Variants in CLCN5 observed in about 807,000 individuals in gnomAD.
CLCN5 encodes the protein H(+)/Cl(-) exchange transporter 5.
CLCN5 carries 17 observed loss-of-function variants against 54.0 expected under a neutral mutation model. That is an observed-to-expected ratio of 0.31 (90% CI 0.22 to 0.47). The LOEUF is 0.47. Ranked by LOEUF, CLCN5 falls within the 20% of genes least tolerant of loss-of-function variation. The probability of loss-of-function intolerance (pLI) is 1.00; values close to 1 mark genes in which losing one functional copy is unlikely to be tolerated. For missense variants in CLCN5, 448 were observed against 646.7 expected (o/e 0.69, Z 3.33); for synonymous variants, 222 against 233.0 (o/e 0.95, Z 0.43).
intron 3 of CLCN5, among the ~76,000 whole-genome samples, chrX:49,954,859 A>G (rs1181615535): frequency 1.8e-5 from 2 of 111,901 alleles, no homozygotes; most frequent in Non-Finnish European, 3.8e-5. Context: ...TTCCTTTGGG[A>G]TAAGATGAGA....
intron 3 of CLCN5, among the ~76,000 whole-genome samples, 167 bp from the exon 4 acceptor site, chrX:50,042,145 CTGTT>C (rs1382170595): frequency 2.7e-5 from 3 of 111,975 alleles, no homozygotes; most frequent in Admixed American, 9.5e-5. Context: ...TACAGAATTT[CTGTT>C]TGGGATGATG....
chrX:50,044,774 G>A (rs1435932778), intron 4 of CLCN5, among the ~76,000 whole-genome samples: 3 of 111,121 alleles, frequency 2.7e-5, no homozygotes, highest in Admixed American at 9.6e-5. Context: ...ACCATTGTGC[G>A]GCCACCTCAA....
Position 50,090,844 on chromosome X carries a change from T to C in CLCN5, c.2318T>C (p.Phe773Ser), listed in dbSNP as rs1934072848. The C allele has an allele frequency of 8.3e-7, 1 of 1,209,585 alleles. No individual in the cohort carries two copies. Among genetic ancestry groups the C allele is most frequent in the African/African-American group, 1.8e-5 (1 of 57,053 alleles). The stretch of plus-strand genomic sequence containing the variant: ...CCCATGGAGATCGTAGTGGATATTT[T>C]CCGAAAGCTGGGACTGCGGCAGTGC... ...LTPMEIVVDI[F>S]RKLGLRQCLV... Residue 773 changes from phenylalanine (F) to serine (S), a missense_variant, in exon 14 of 15, where the codon TTC becomes TCC. By Grantham distance (155) the Phe-to-Ser change is radical. This residue lies in a region of CLCN5 where 297 missense variants were observed against 470.4 expected (regional missense o/e 0.63). Coordinates refer to ENST00000376091, the MANE Select transcript of CLCN5 (RefSeq NM_001127898.4).
chrX:49,976,642 C>CA (rs1368305988), intron 3 of CLCN5, among the ~76,000 whole-genome samples: 1 of 112,317 alleles, frequency 8.9e-6, no homozygotes, highest in Non-Finnish European at 1.9e-5. Context: ...GTGGGAATAG[C>CA]ATGCCAGGAC....
chrX:49,979,149 G>C (rs1928615023), intron 3 of CLCN5, among the ~76,000 whole-genome samples: 1 of 111,184 alleles, frequency 9.0e-6, no homozygotes, highest in Non-Finnish European at 1.9e-5. Flanking sequence ...AGAAAGAAGG[G>C]AATACCTTCC....
chrX:50,003,326 G>A (rs1161877859), intron 3 of CLCN5: 1 of 336,729 alleles, frequency 3.0e-6, no homozygotes, highest in Non-Finnish European at 6.0e-6. Flanking sequence ...CTGTATGTGG[G>A]GTACACTGTT....
intron 3 of CLCN5, among the ~76,000 whole-genome samples, chrX:50,033,594 C>G (rs781888789): frequency 2.3e-4 from 25 of 110,897 alleles, no homozygotes; most frequent in African/African-American, 8.2e-4. Context: ...CCATACTGCC[C>G]AAGGTAATTT....
At chrX:50,059,720 A>G (rs1288553318) in intron 4 of CLCN5, among the ~76,000 whole-genome samples, 1 of 109,433 alleles carries the variant, frequency 9.1e-6, no homozygotes, top group African/African-American at 3.3e-5. Flanking sequence ...GGACTGAATC[A>G]TAGCCACCAG....
chrX:50,077,499 T>A (rs897216526), intron 7 of CLCN5, among the ~76,000 whole-genome samples: 7 of 107,221 alleles, frequency 6.5e-5, no homozygotes, highest in African/African-American at 2.4e-4. Context: ...CCGGGTACCC[T>A]GTCCCATACT....
intron 3 of CLCN5, among the ~76,000 whole-genome samples, chrX:49,973,802 A>G (rs1353599300): frequency 1.8e-5 from 2 of 110,850 alleles, no homozygotes; most frequent in Non-Finnish European, 3.8e-5. Context: ...TCAGCTTACT[A>G]TGGGTTTGTT....
chrX:49,975,993 G>C (rs1170966240), intron 3 of CLCN5, among the ~76,000 whole-genome samples: 1 of 111,734 alleles, frequency 8.9e-6, no homozygotes, highest in Non-Finnish European at 1.9e-5. Flanking sequence ...CTGGCATCTA[G>C]TGGGTGGAGG....
intron 3 of CLCN5, among the ~76,000 whole-genome samples, chrX:49,957,523 A>G (rs1927391297): frequency 9.0e-6 from 1 of 111,599 alleles, no homozygotes. Context: ...GGTGAGTTCT[A>G]CCTTTATCTC....
At chrX:50,066,674 T>C (rs900230491) in intron 4 of CLCN5, among the ~76,000 whole-genome samples, 1 of 112,021 alleles carries the variant, frequency 8.9e-6, no homozygotes, top group Non-Finnish European at 1.9e-5. Flanking sequence ...CACAACCCTT[T>C]AAAACCATGG....
intron 3 of CLCN5, among the ~76,000 whole-genome samples, chrX:49,991,877 C>T (rs1247740746): frequency 9.0e-6 from 1 of 111,310 alleles, no homozygotes; most frequent in East Asian, 2.8e-4. Context: ...AAACATATGG[C>T]GTTAGTGGGT....
At chrX:49,927,175 A>G (rs1295918694) in intron 3 of CLCN5, among the ~76,000 whole-genome samples, 1 of 112,118 alleles carries the variant, frequency 8.9e-6, no homozygotes, top group Non-Finnish European at 1.9e-5. Context: ...TTTGTTCCTA[A>G]TGATGCATAA....
At chrX:50,033,869 CA>C (rs1442501822) in intron 3 of CLCN5, among the ~76,000 whole-genome samples, 1 of 111,551 alleles carries the variant, frequency 9.0e-6, no homozygotes, top group African/African-American at 3.3e-5. Context: ...ATCCTGAGAG[CA>C]AAAAGTTTGA....
intron 3 of CLCN5, among the ~76,000 whole-genome samples, chrX:49,979,559 T>A (rs1928640916): frequency 8.9e-6 from 1 of 111,997 alleles, no homozygotes; most frequent in Admixed American, 9.5e-5. Flanking sequence ...GACAGCCAAC[T>A]CAATTTGTTT....
At chrX:50,065,999 C>T (rs1246184545) in intron 4 of CLCN5, among the ~76,000 whole-genome samples, 1 of 64,817 alleles carries the variant, frequency 1.5e-5, no homozygotes, top group Non-Finnish European at 2.6e-5. Context: ...ATATCACACT[C>T]TGGGGACTGT....
rs782637369 is a variant in CLCN5, at chrX:49,970,414, C to T, written c.16+45100C>T. Among the ~76,000 whole-genome samples, 145 of 110,918 alleles carry T rather than the reference C, an allele frequency of 1.3e-3. 1 individual carries two copies. Among genetic ancestry groups the T allele is most frequent in the Non-Finnish European group, 1.5e-3 (80 of 52,888 alleles). On this transcript the variant is annotated intron_variant, in intron 3 of 14. Transcript: ENST00000376091. ...CACTATGCCCATTAGTAGTCAATCC[C>T]TACTCCCCCTACCCGCACCTGAGCA...
Sources: allele counts gnomAD v4.1 joint callset (sites outside exome capture counted in the v4.1 genomes callset), GRCh38; gene constraint gnomAD v4.1.1; regional missense constraint gnomAD v4.1.1; transcripts MANE v1.5; gene names NCBI Gene and HGNC (gene_info 2026-07-23, HGNC 2026-07-21).